Variants in CSMD2 observed in about 807,000 individuals in gnomAD.
CSMD2 encodes the protein CUB and Sushi multiple domains 2, also known as CUB and sushi domain-containing protein 2.
A neutral mutation model predicts 398.5 loss-of-function variants in CSMD2; 130 were observed. The ratio of observed to expected loss-of-function variants is 0.33; its 90% CI spans 0.28 to 0.38. CSMD2 has a LOEUF of 0.38. Ranked by LOEUF, CSMD2 falls within the 10% of genes least tolerant of loss-of-function variation. The pLI is 1.00. For synonymous variants in CSMD2, 1,828 were observed against 1,908.5 expected (o/e 0.96, Z 1.10); for missense variants, 3,829 against 4,764.9 (o/e 0.80, Z 5.78).
chr1:33,734,413 G>A (rs1646817634), intron 15 of CSMD2, among the ~76,000 whole-genome samples: 1 of 152,162 alleles, frequency 6.6e-6, no homozygotes, highest in South Asian at 2.1e-4. Context: ...CTGGAGAGCA[G>A]TAGTACAATC....
At chr1:33,848,950 T>A (rs537488976) in intron 5 of CSMD2, among the ~76,000 whole-genome samples, 4 of 152,018 alleles carry the variant, frequency 2.6e-5, no homozygotes, top group African/African-American at 7.2e-5. Context: ...CAAAATGGAA[T>A]GAGGGGAGGG....
chr1:33,534,316 G>A (rs539669684), intron 62 of CSMD2, among the ~76,000 whole-genome samples: 5 of 152,284 alleles, frequency 3.3e-5, no homozygotes, highest in South Asian at 2.1e-4. Context: ...ATGTGATGGC[G>A]GATTTGACAG....
At chr1:34,092,768 G>A (rs1388646525) in intron 1 of CSMD2, among the ~76,000 whole-genome samples, 66 of 152,352 alleles carry the variant, frequency 4.3e-4, no homozygotes, top group Middle Eastern at 3.4e-3. Context: ...ACCCCACGGA[G>A]TCTCGCTGAT....
intron 6 of CSMD2, among the ~76,000 whole-genome samples, chr1:33,828,542 T>A (rs533820520): frequency 6.6e-6 from 1 of 152,204 alleles, no homozygotes; most frequent in East Asian, 1.9e-4. Context: ...GGAAGGGGAA[T>A]GAGGAAGGGG....
intron 1 of CSMD2, among the ~76,000 whole-genome samples, chr1:34,127,993 G>T (rs1662918345): frequency 6.6e-6 from 1 of 152,080 alleles, no homozygotes; most frequent in Non-Finnish European, 1.5e-5. Flanking sequence ...TCTCAGGCCA[G>T]CAAGACCTCC....
intron 55 of CSMD2, among the ~76,000 whole-genome samples, chr1:33,551,122 G>A (rs939452717): frequency 2.6e-5 from 4 of 152,222 alleles, no homozygotes; most frequent in African/African-American, 9.6e-5. Flanking sequence ...AAATTTTGGA[G>A]AAGAGTATTG....
Position 33,724,261 on chromosome 1 carries a change from C to T in CSMD2, c.2937G>A (p.Gly979=). 1.2e-6 allele frequency: 2 copies of T among 1,614,062 alleles called. No homozygotes were observed. ...AGTTGTTGGGGTAGAAGTCAGGGAACCCTGGCGACAAGATGGTCCCACTGG... is the reference window on the plus strand; with the variant it reads ...AGTTGTTGGGGTAGAAGTCAGGGAATCCTGGCGACAAGATGGTCCCACTGG... ...QGSSGTILSP[G]FPDFYPNNLN... is the part of the protein sequence containing the mutation. The change falls in exon 19 of 71, where the codon GGG becomes GGA. Residue 979 remains glycine (G), a synonymous_variant. Coordinates refer to ENST00000373381, the MANE Select transcript of CSMD2 (RefSeq NM_001281956.2).
chr1:34,028,165 A>G (rs1178714128), intron 3 of CSMD2, among the ~76,000 whole-genome samples: 1 of 152,038 alleles, frequency 6.6e-6, no homozygotes, highest in South Asian at 2.1e-4. Flanking sequence ...CCAAAAATAC[A>G]AAGAAATTAG....
chr1:33,704,843 A>G lies in CSMD2; in HGVS notation c.3577-4170T>C, dbSNP rs543228669. On this transcript the variant is annotated intron_variant, in intron 22 of 70. Coordinates refer to ENST00000373381, the MANE Select transcript of CSMD2 (RefSeq NM_001281956.2). Reference sequence around the variant, plus strand: ...GTGGCTGCAATCTTGGCTCACTGCAAGCTCCACCTTCCAGGTTCACGCCAT... The same window carrying G: ...GTGGCTGCAATCTTGGCTCACTGCAGGCTCCACCTTCCAGGTTCACGCCAT... 1.6e-4 allele frequency among the ~76,000 whole-genome samples: 24 copies of G among 152,002 alleles called. 1 individual carries two copies. The South Asian group carries it at 2.3e-3, about 15-fold the overall frequency.
intron 36 of CSMD2, 121 bp from the exon 37 acceptor site, chr1:33,622,392 C>T (rs897797565): frequency 5.7e-6 from 4 of 703,402 alleles, no homozygotes; most frequent in Non-Finnish European, 1.0e-5. Context: ...CCCAGATGTC[C>T]CCAGTTATGA....
chr1:33,810,969 C>A (rs978485589), intron 9 of CSMD2, 105 bp from the exon 10 acceptor site: 15 of 1,294,374 alleles, frequency 1.2e-5, no homozygotes, highest in Non-Finnish European at 1.5e-5. Flanking sequence ...ACAGTTCCCA[C>A]CCTGGACATA....
At chr1:33,634,307 C>T (rs1571023835) in intron 31 of CSMD2, among the ~76,000 whole-genome samples, 1 of 152,164 alleles carries the variant, frequency 6.6e-6, no homozygotes, top group Admixed American at 6.5e-5. Context: ...AAGTGCGTGG[C>T]CCCCAATGGG....
chr1:33,607,601 G>T (rs1640706249), intron 41 of CSMD2, among the ~76,000 whole-genome samples: 1 of 152,226 alleles, frequency 6.6e-6, no homozygotes, highest in Non-Finnish European at 1.5e-5. Context: ...GAATACTTAG[G>T]CCTCTGGCCC....
intron 5 of CSMD2, among the ~76,000 whole-genome samples, chr1:33,897,783 T>TG (rs977487775): frequency 6.6e-6 from 1 of 152,202 alleles, no homozygotes; most frequent in Non-Finnish European, 1.5e-5. Flanking sequence ...AAATACAAAA[T>TG]GAGTTGATTC....
chr1:33,978,718 C>T (rs1646057302), intron 3 of CSMD2, among the ~76,000 whole-genome samples: 1 of 152,152 alleles, frequency 6.6e-6, no homozygotes, highest in African/African-American at 2.4e-5. Flanking sequence ...TGCAAGGATG[C>T]TTACGAGCCA....
At chr1:33,655,498 G>C (rs896162145) in intron 27 of CSMD2, among the ~76,000 whole-genome samples, 4 of 152,184 alleles carry the variant, frequency 2.6e-5, no homozygotes, top group African/African-American at 9.7e-5. Context: ...AGGGAAGTTG[G>C]GCAATTTGTC....
chr1:34,080,126 GCA>G (rs1656894580), intron 2 of CSMD2, among the ~76,000 whole-genome samples: 1 of 105,506 alleles, frequency 9.5e-6, no homozygotes, highest in Non-Finnish European at 1.9e-5. Context: ...AGAATGTAAA[GCA>G]AAAAAAAAAA....
chr1:33,586,605 C>T lies in CSMD2; in HGVS notation c.6950G>A (p.Arg2317His), dbSNP rs537213927. The T allele has an allele frequency of 2.9e-5, 47 of 1,611,370 alleles. No homozygotes were observed. In the South Asian group the frequency reaches 4.0e-4, roughly 14 times the overall value. ...GGTAAAGCCAGGGAGGCATCTGTAG[C>T]GTACGATGTCACCTGTCAAAGAAAG... ...NEEFNIGDIVRYRCLPGFTLV... is the reference protein window; with the variant it reads ...NEEFNIGDIVHYRCLPGFTLV... Residue 2317 changes from arginine to histidine, a missense_variant, in exon 46 of 71, where the codon CGC becomes CAC. Coordinates refer to ENST00000373381, the MANE Select transcript of CSMD2 (RefSeq NM_001281956.2).
intron 3 of CSMD2, among the ~76,000 whole-genome samples, chr1:33,976,948 T>C (rs562257700): frequency 1.8e-4 from 27 of 151,922 alleles, no homozygotes; most frequent in African/African-American, 6.0e-4. Flanking sequence ...AGAAAAGAAG[T>C]GGCAGTTTAT....
Sources: allele counts gnomAD v4.1 joint callset (sites outside exome capture counted in the v4.1 genomes callset), GRCh38; gene constraint gnomAD v4.1.1; transcripts MANE v1.5; gene names NCBI Gene and HGNC (gene_info 2026-07-23, HGNC 2026-07-21).